Variants in AMBRA1 observed in about 807,000 individuals in gnomAD.
The protein encoded by AMBRA1 is activating molecule in BECN1-regulated autophagy protein 1.
AMBRA1 carries 47 observed loss-of-function variants against 125.4 expected under a neutral mutation model. That is an observed-to-expected ratio of 0.37 (90% confidence interval 0.30 to 0.48). The LOEUF is 0.48. AMBRA1 is among the 20% of genes least tolerant of loss of function. The probability of loss-of-function intolerance (pLI) is 0.99; values close to 1 mark genes in which losing one functional copy is unlikely to be tolerated. For missense variants in AMBRA1, 1,331 were observed against 1,693.4 expected (o/e 0.79, Z 3.76); for synonymous variants, 626 against 655.5 (o/e 0.95, Z 0.69).
At chr11:46,507,404 G>A (rs1951085879) in intron 9 of AMBRA1, among the ~76,000 whole-genome samples, 4 of 151,718 alleles carry the variant, frequency 2.6e-5, no homozygotes, top group South Asian at 4.2e-4. Context: ...GCGTGAACTC[G>A]GGAGGCGGAG....
rs184208934 is a variant in AMBRA1 at position 46,413,786 on chromosome 11, C to T, written c.3117-3418G>A. 3.9e-3 allele frequency among the ~76,000 whole-genome samples: 596 copies of T among 152,298 alleles called. 4 individuals carry two copies. The highest frequency in any genetic ancestry group is 6.3e-3 in the Non-Finnish European group (429 of 68,026). On this transcript the variant is annotated intron_variant, in intron 15 of 17. Coordinates refer to ENST00000683756, the MANE Select transcript of AMBRA1 (RefSeq NM_001387011.1). Reference sequence around the variant, plus strand: ...GATTACAGGCATGAGCCACCATGCCCGGCCTGAAACTCTTAGCTTTCAATA... The same window carrying T: ...GATTACAGGCATGAGCCACCATGCCTGGCCTGAAACTCTTAGCTTTCAATA...
intron 1 of AMBRA1, among the ~76,000 whole-genome samples, chr11:46,565,851 C>T (rs576062647): frequency 6.6e-6 from 1 of 152,122 alleles, no homozygotes; most frequent in African/African-American, 2.4e-5. Flanking sequence ...TTGCTCACTG[C>T]ACCCTCCACC....
chr11:46,425,059 G>A (rs191608174), intron 14 of AMBRA1, among the ~76,000 whole-genome samples: 20 of 152,218 alleles, frequency 1.3e-4, no homozygotes, highest in African/African-American at 3.9e-4. Context: ...GCTTGAACCC[G>A]GGCGGCAGAG....
intron 14 of AMBRA1, among the ~76,000 whole-genome samples, chr11:46,429,417 C>T (rs1248870300): frequency 6.6e-6 from 1 of 152,216 alleles, no homozygotes; most frequent in Non-Finnish European, 1.5e-5. Context: ...ACTTATGTGC[C>T]TACAATCCCC....
chr11:46,399,566 T>C (rs534921987), intron 17 of AMBRA1, among the ~76,000 whole-genome samples: 1 of 152,230 alleles, frequency 6.6e-6, no homozygotes, highest in South Asian at 2.1e-4. Flanking sequence ...GGTTCCACCA[T>C]GTTGGCCAGG....
intron 1 of AMBRA1, among the ~76,000 whole-genome samples, chr11:46,568,803 C>CTTTTTTTTTT (rs774631588): frequency 1.0e-5 from 1 of 96,478 alleles, no homozygotes; most frequent in African/African-American, 4.6e-5. Flanking sequence ...TCAACCCTAC[C>CTTTTTTTTTT]TTTTTTTTTT....
intron 7 of AMBRA1, among the ~76,000 whole-genome samples, chr11:46,529,179 C>T (rs559327419): frequency 6.6e-6 from 1 of 152,266 alleles, no homozygotes; most frequent in South Asian, 2.1e-4. Context: ...CATTCTTCTC[C>T]AAGATTTTAC....
intron 4 of AMBRA1, 172 bp downstream of exon 4, chr11:46,546,941 C>T (rs753895958): frequency 7.4e-5 from 42 of 566,986 alleles, no homozygotes; most frequent in African/African-American, 4.2e-4. Context: ...CATGATGGCA[C>T]ATGCCTGTAA....
At chr11:46,519,609 T>G (rs1346375747) in intron 7 of AMBRA1, among the ~76,000 whole-genome samples, 1 of 152,216 alleles carries the variant, frequency 6.6e-6, no homozygotes, top group Non-Finnish European at 1.5e-5. Context: ...TGGTGCCCCA[T>G]GCCTAATGAA....
chr11:46,443,613 G>A lies in AMBRA1; in HGVS notation c.2522-15C>T. 1 of 1,592,902 alleles carries A rather than the reference G, an allele frequency of 6.3e-7. No individual in the cohort carries two copies. Among genetic ancestry groups the A allele is most frequent in the Non-Finnish European group, 8.6e-7 (1 of 1,161,264 alleles). ...GATCACTGCCCCTTATGAGGAAGAA[G>A]TCAAAGACAGCACATTATATTATTT... On this transcript the variant is annotated splice_polypyrimidine_tract_variant and intron_variant, in intron 11 of 17. Transcript: ENST00000683756.
intron 11 of AMBRA1, among the ~76,000 whole-genome samples, chr11:46,466,301 C>T (rs1442574173): frequency 2.6e-5 from 4 of 151,328 alleles, no homozygotes; most frequent in African/African-American, 7.3e-5. Context: ...GAGCCGAGAT[C>T]GTGCCACTGC....
chr11:46,580,261 T>A (rs1290007457), intron 1 of AMBRA1, among the ~76,000 whole-genome samples: 1 of 152,176 alleles, frequency 6.6e-6, no homozygotes, highest in Non-Finnish European at 1.5e-5. Flanking sequence ...AGTGTGGTCT[T>A]CTCCTCCTAC....
intron 7 of AMBRA1, among the ~76,000 whole-genome samples, chr11:46,535,446 A>G (rs748986195): frequency 2.6e-5 from 4 of 152,250 alleles, no homozygotes; most frequent in Non-Finnish European, 4.4e-5. Flanking sequence ...AGATGAGAGC[A>G]CACATTTTCT....
Position 46,408,575 on chromosome 11 carries a change from G to A in AMBRA1, c.3341C>T (p.Ala1114Val). Reference protein sequence around the residue: ...TQTLALQLQNAETQTEREVPE... With the variant: ...TQTLALQLQNVETQTEREVPE... Reference sequence around the variant, plus strand: ...CACCTCCCTCTCAGTCTGTGTTTCGGCATTCTGCAGCTGAAGGGCCAGAGT... The same window carrying A: ...CACCTCCCTCTCAGTCTGTGTTTCGACATTCTGCAGCTGAAGGGCCAGAGT... The change falls in exon 17 of 18, where the codon GCC becomes GTC. Residue 1114 changes from alanine to valine, a missense_variant. Transcript: ENST00000683756. 6.2e-7 allele frequency: 1 copy of A among 1,607,200 alleles called. No homozygotes were observed. Among genetic ancestry groups the A allele is most frequent in the Non-Finnish European group, 8.5e-7 (1 of 1,175,858 alleles).
chr11:46,487,646 T>C (rs1344859102), intron 11 of AMBRA1, among the ~76,000 whole-genome samples: 1 of 151,966 alleles, frequency 6.6e-6, no homozygotes. Context: ...TCTGAATAAA[T>C]TGGAAACTGA....
intron 11 of AMBRA1, among the ~76,000 whole-genome samples, chr11:46,489,824 A>G (rs1197726546): frequency 6.6e-6 from 1 of 152,188 alleles, no homozygotes; most frequent in Non-Finnish European, 1.5e-5. Flanking sequence ...AAAATATTAT[A>G]AGCTTAAGAA....
At chr11:46,540,633 T>C (rs1314240497) in intron 7 of AMBRA1, among the ~76,000 whole-genome samples, 2 of 152,152 alleles carry the variant, frequency 1.3e-5, no homozygotes, top group East Asian at 1.9e-4. Context: ...TCCCTTAACA[T>C]GTGCTGTTTC....
chr11:46,485,555 C>CTA (rs1481659590), intron 11 of AMBRA1, among the ~76,000 whole-genome samples: 1 of 152,182 alleles, frequency 6.6e-6, no homozygotes, highest in Non-Finnish European at 1.5e-5. Flanking sequence ...TACTCCCTGG[C>CTA]TAGACAGTAA....
Position 46,519,154 on chromosome 11 carries a change from G to C in AMBRA1, c.2073-6341C>G, listed in dbSNP as rs573155978. 9.2e-5 allele frequency among the ~76,000 whole-genome samples: 14 copies of C among 152,288 alleles called. No homozygotes were observed. The East Asian group carries it at 1.9e-3, about 21-fold the overall frequency. ...TTCTCTTGCCTCAGCCTCCCGAGTA[G>C]CTGGGGCTACAGGCATGCACCACCA... On this transcript the variant is annotated intron_variant, in intron 7 of 17. Coordinates refer to ENST00000683756, the MANE Select transcript of AMBRA1 (RefSeq NM_001387011.1).
Sources: gnomAD v4.1 joint callset for allele counts (sites outside exome capture counted in the v4.1 genomes callset) on GRCh38, gnomAD v4.1.1 for gene constraint, MANE v1.5 for transcripts, NCBI Gene and HGNC (gene_info 2026-07-23, HGNC 2026-07-21) for gene names.